Variants in TYR observed in about 807,000 individuals in gnomAD.
The protein encoded by TYR is tyrosinase.
A neutral mutation model predicts 51.5 loss-of-function variants in TYR; 58 were observed. That is an observed-to-expected ratio of 1.13 (90% CI 0.91 to 1.40). TYR has a LOEUF of 1.40. TYR is among the 40% of genes most tolerant of loss of function. The pLI, the probability that TYR is intolerant of heterozygous loss-of-function variation, is 0.00. For missense variants in TYR, 732 were observed against 647.4 expected, an observed-to-expected ratio of 1.13 and a Z score of -1.42; for synonymous variants, 263 against 235.2, an observed-to-expected ratio of 1.12 and a Z score of -1.08.
At chr11:89,280,405 T>G (rs1270309292) in intron 3 of TYR, among the ~76,000 whole-genome samples, 1 of 151,630 alleles carries the variant, frequency 6.6e-6, no homozygotes, top group Admixed American at 6.6e-5. Flanking sequence ...GCTCACTGAT[T>G]CTTTTCTTGG....
intron 3 of TYR, among the ~76,000 whole-genome samples, chr11:89,272,569 A>G (rs770744739): frequency 1.3e-5 from 2 of 151,886 alleles, no homozygotes; most frequent in Non-Finnish European, 2.9e-5. Context: ...CTGAATAAGC[A>G]CTGGCTTCAA....
At chr11:89,212,877 C>T (rs543166403) in intron 2 of TYR, among the ~76,000 whole-genome samples, 1 of 152,130 alleles carries the variant, frequency 6.6e-6, no homozygotes, top group African/African-American at 2.4e-5. Context: ...AGGCCTTCAA[C>T]AAAATTCAAC....
At chr11:89,272,045 C>T (rs1944594301) in intron 3 of TYR, among the ~76,000 whole-genome samples, 1 of 151,884 alleles carries the variant, frequency 6.6e-6, no homozygotes, top group Non-Finnish European at 1.5e-5. Context: ...CCCTCAAAGT[C>T]ATCCATGTGG....
chr11:89,198,486 T>G (rs1266315616), intron 2 of TYR, among the ~76,000 whole-genome samples: 1 of 151,896 alleles, frequency 6.6e-6, no homozygotes, highest in Non-Finnish European at 1.5e-5. Flanking sequence ...TTTTAATTAA[T>G]CCCCCAGATT....
At chr11:89,244,072 G>C (rs1317834624) in intron 3 of TYR, among the ~76,000 whole-genome samples, 1 of 151,998 alleles carries the variant, frequency 6.6e-6, no homozygotes, top group Non-Finnish European at 1.5e-5. Flanking sequence ...TTTTGCAACA[G>C]ATATGTACAT....
At chr11:89,240,064 G>T (rs1316119606) in intron 3 of TYR, among the ~76,000 whole-genome samples, 1 of 152,010 alleles carries the variant, frequency 6.6e-6, no homozygotes, top group African/African-American at 2.4e-5. Flanking sequence ...CTAAAATGTG[G>T]TGTAAGCCCT....
intron 4 of TYR, among the ~76,000 whole-genome samples, chr11:89,291,579 T>C (rs1333414895): frequency 6.6e-6 from 1 of 151,976 alleles, no homozygotes; most frequent in Non-Finnish European, 1.5e-5. Context: ...GTCTCCTGTG[T>C]ACTTTTTCTT....
chr11:89,198,318 A>G (rs1943550717), intron 2 of TYR, among the ~76,000 whole-genome samples: 1 of 152,162 alleles, frequency 6.6e-6, no homozygotes. Flanking sequence ...ACATGGAGTG[A>G]CGCATTCTAG....
intron 2 of TYR, among the ~76,000 whole-genome samples, chr11:89,198,413 C>G (rs1565394603): frequency 6.6e-6 from 1 of 152,072 alleles, no homozygotes; most frequent in Non-Finnish European, 1.5e-5. Flanking sequence ...TGTACCCTGA[C>G]TCCGAGAGAG....
chr11:89,218,828 C>A (rs1943869833), intron 2 of TYR, among the ~76,000 whole-genome samples: 1 of 152,120 alleles, frequency 6.6e-6, no homozygotes, highest in African/African-American at 2.4e-5. Context: ...AAACATGGAT[C>A]ATTAGCAAGG....
At chr11:89,287,357 C>T (rs1317603347) in intron 4 of TYR, among the ~76,000 whole-genome samples, 1 of 151,858 alleles carries the variant, frequency 6.6e-6, no homozygotes, top group Non-Finnish European at 1.5e-5. Flanking sequence ...TTTTAAAACA[C>T]TATAAGTATT....
intron 2 of TYR, among the ~76,000 whole-genome samples, chr11:89,219,028 T>C (rs536468479): frequency 1.3e-5 from 2 of 152,320 alleles, no homozygotes; most frequent in East Asian, 3.9e-4. Flanking sequence ...TCACAATACC[T>C]ACCTCATATG....
At chr11:89,241,128 G>A (rs1944187816) in intron 3 of TYR, among the ~76,000 whole-genome samples, 1 of 152,220 alleles carries the variant, frequency 6.6e-6, no homozygotes, top group Admixed American at 6.5e-5. Flanking sequence ...AAGCAAAGCT[G>A]ATGGTGTCTG....
chr11:89,286,618 C>A (rs766789754), intron 4 of TYR, among the ~76,000 whole-genome samples: 5 of 151,770 alleles, frequency 3.3e-5, no homozygotes, highest in Non-Finnish European at 5.9e-5. Flanking sequence ...GGTCATCAAC[C>A]TTGTTCTGCC....
chr11:89,178,875 C>T lies in TYR; in HGVS notation c.819+103C>T, dbSNP rs150693089. ...TCACCTGAACACTCATTGCAGCCCC[C>T]ATCAAGGACAGAAATGGTGCCCTGT... On this transcript the variant is annotated intron_variant, in intron 1 of 4. Coordinates refer to ENST00000263321, the MANE Select transcript of TYR (RefSeq NM_000372.5). 8.6e-5 allele frequency: 101 copies of T among 1,171,850 alleles called. No homozygotes were observed. The East Asian group carries it at 1.7e-3, about 20-fold the overall frequency. The allele number at this position is 1,171,850 out of a possible 1,614,324, so 72.6% of individuals were successfully genotyped here.
At chr11:89,246,741 A>G (rs1944272326) in intron 3 of TYR, among the ~76,000 whole-genome samples, 1 of 152,052 alleles carries the variant, frequency 6.6e-6, no homozygotes, top group Non-Finnish European at 1.5e-5. Context: ...CCTAACCCAC[A>G]TGCCTTCAAA....
At chr11:89,257,471 G>A (rs894228531) in intron 3 of TYR, among the ~76,000 whole-genome samples, 6 of 151,952 alleles carry the variant, frequency 3.9e-5, no homozygotes, top group East Asian at 3.9e-4. Flanking sequence ...TCTGGGAGAT[G>A]TTATATAAAC....
At chr11:89,236,484 A>C (rs2135287946) in intron 3 of TYR, among the ~76,000 whole-genome samples, 1 of 152,336 alleles carries the variant, frequency 6.6e-6, no homozygotes, top group African/African-American at 2.4e-5. Context: ...TTATTAAAAT[A>C]ACTCAAAAAT....
Position 89,227,917 on chromosome 11 carries a change from A to G in TYR, c.1131A>G (p.Val377=), listed in dbSNP as rs939365679. 2 of 1,613,552 alleles carry G rather than the reference A, an allele frequency of 1.2e-6. No individual in the cohort carries two copies. Among genetic ancestry groups the G allele is most frequent in the African/African-American group, 2.7e-5 (2 of 74,898 alleles). ...HIYMNGTMSQ[V]QGSANDPIFL... Reference sequence around the variant, plus strand: ...ATATGAATGGAACAATGTCCCAGGTACAGGGATCTGCCAACGATCCTATCT... The same window carrying G: ...ATATGAATGGAACAATGTCCCAGGTGCAGGGATCTGCCAACGATCCTATCT... The change falls in exon 3 of 5, where the codon GTA becomes GTG. Residue 377 remains valine, a synonymous_variant. Coordinates refer to ENST00000263321, the MANE Select transcript of TYR (RefSeq NM_000372.5).
Sources: allele counts gnomAD v4.1 joint callset (sites outside exome capture counted in the v4.1 genomes callset), GRCh38; gene constraint gnomAD v4.1.1; transcripts MANE v1.5; gene names NCBI Gene and HGNC (gene_info 2026-07-23, HGNC 2026-07-21).